Variants in MAST4 observed in about 807,000 individuals in gnomAD.
MAST4 encodes the protein microtubule associated serine/threonine kinase family member 4, also known as microtubule-associated serine/threonine-protein kinase 4.
Under a neutral mutation model 162.7 loss-of-function variants are expected in MAST4, and 89 were observed. The observed-to-expected ratio is 0.55, with a 90% CI of 0.46 to 0.65. The LOEUF (loss-of-function observed/expected upper bound fraction) is 0.65. Among genes scored for constraint, MAST4 ranks in the 30% least tolerant of loss-of-function variants. MAST4 has a pLI of 0.00. For missense variants in MAST4, 3,153 were observed against 3,374.0 expected (o/e 0.93, Z 1.62); for synonymous variants, 1,479 against 1,361.1 (o/e 1.09, Z -1.91).
chr5:66,709,072 AT>A (rs555030813), intron 1 of MAST4, among the ~76,000 whole-genome samples: 21 of 152,098 alleles, frequency 1.4e-4, no homozygotes, highest in Admixed American at 5.2e-4. Context: ...CACCTGAAAT[AT>A]TTTTTTGCAG....
Position 67,163,668 on chromosome 5 carries a change from C to T in MAST4, c.4489C>T (p.Pro1497Ser), listed in dbSNP as rs941403905. Residue 1497 changes from proline to serine, a missense_variant, in exon 29 of 29, where the codon CCG becomes TCG. Coordinates refer to ENST00000403625, the MANE Select transcript of MAST4 (RefSeq NM_001164664.2). The surrounding 1 kb of genome is among the most constrained non-coding windows in gnomAD (Gnocchi z 7.0). Reference sequence around the variant, plus strand: ...CCTGGATGAGAACGTGTGCGACGTGCCGCCGCTCAGCCGCGCCCGGCCAGT... The same window carrying T: ...CCTGGATGAGAACGTGTGCGACGTGTCGCCGCTCAGCCGCGCCCGGCCAGT... ...QSLDENVCDVPPLSRARPVEQ... is the reference protein window; with the variant it reads ...QSLDENVCDVSPLSRARPVEQ... 1.2e-6 allele frequency: 2 copies of T among 1,608,266 alleles called. No homozygotes were observed. Among genetic ancestry groups the T allele is most frequent in the African/African-American group, 2.7e-5 (2 of 74,858 alleles).
chr5:66,885,983 C>T (rs1762012709), intron 3 of MAST4, among the ~76,000 whole-genome samples: 1 of 152,152 alleles, frequency 6.6e-6, no homozygotes, highest in Non-Finnish European at 1.5e-5. Flanking sequence ...GTCCTCACAA[C>T]AACTCTGACT....
intron 12 of MAST4, chr5:67,114,581 C>CT (rs1766655529): frequency 1.0e-5 from 2 of 192,946 alleles, no homozygotes; most frequent in South Asian, 2.4e-4. Flanking sequence ...TAAAATGTTG[C>CT]TAAAGAAATT....
At chr5:66,857,111 A>G in intron 3 of MAST4, among the ~76,000 whole-genome samples, 1 of 152,176 alleles carries the variant, frequency 6.6e-6, no homozygotes, top group East Asian at 1.9e-4. Context: ...AAACACTGTC[A>G]TAGATTTGAT....
intron 14 of MAST4, among the ~76,000 whole-genome samples, chr5:67,122,021 C>T (rs1767654418): frequency 6.6e-6 from 1 of 152,022 alleles, no homozygotes; most frequent in Non-Finnish European, 1.5e-5. Context: ...AATGGTGTTC[C>T]TTCCTTGATC....
At chr5:67,047,645 C>G (rs371050424) in intron 4 of MAST4, among the ~76,000 whole-genome samples, 1 of 152,156 alleles carries the variant, frequency 6.6e-6, no homozygotes, top group African/African-American at 2.4e-5. Flanking sequence ...CCCTTGAGAG[C>G]AGAGATTTTT....
intron 6 of MAST4, among the ~76,000 whole-genome samples, chr5:67,090,569 G>A (rs1439635668): frequency 1.3e-5 from 2 of 148,876 alleles, no homozygotes; most frequent in African/African-American, 2.5e-5. Context: ...ACAAAGCTTT[G>A]TTTTAACACA....
intron 4 of MAST4, among the ~76,000 whole-genome samples, chr5:67,023,550 G>C (rs1478625273): frequency 2.6e-5 from 4 of 152,168 alleles, no homozygotes; most frequent in African/African-American, 9.7e-5. Context: ...AAGTGAGAAA[G>C]TCTTTCTGTG....
At chr5:67,123,469 T>G (rs1379576119) in intron 14 of MAST4, among the ~76,000 whole-genome samples, 3 of 152,216 alleles carry the variant, frequency 2.0e-5, no homozygotes, top group Non-Finnish European at 2.9e-5. Flanking sequence ...CTGTGCTGGT[T>G]TCTTTATATA....
At chr5:66,663,692 A>G (rs1747057402) in intron 1 of MAST4, among the ~76,000 whole-genome samples, 1 of 152,214 alleles carries the variant, frequency 6.6e-6, no homozygotes, top group Admixed American at 6.5e-5. Context: ...GGCAAGGGAC[A>G]TTATCAGAGA....
At chr5:67,090,461 C>T (rs1036461610) in intron 6 of MAST4, among the ~76,000 whole-genome samples, 20 of 115,516 alleles carry the variant, frequency 1.7e-4, no homozygotes, top group Non-Finnish European at 2.8e-4. Flanking sequence ...TCCCCCTCCC[C>T]GCTTCTCCCC....
intron 2 of MAST4, among the ~76,000 whole-genome samples, chr5:66,766,465 T>C (rs1437985889): frequency 3.3e-5 from 5 of 152,168 alleles, no homozygotes; most frequent in African/African-American, 1.2e-4. Context: ...TTTTGGACTA[T>C]AGAAATCAAT....
chr5:66,788,934 C>A, intron 3 of MAST4, 140 bp downstream of exon 3: 1 of 1,184,090 alleles, frequency 8.4e-7, no homozygotes, highest in Non-Finnish European at 1.1e-6. Context: ...GAATTCCTTG[C>A]TTTCAATGTG....
chr5:66,724,085 T>C (rs1751374165), intron 1 of MAST4, among the ~76,000 whole-genome samples: 1 of 152,166 alleles, frequency 6.6e-6, no homozygotes, highest in Non-Finnish European at 1.5e-5. Flanking sequence ...TTAGTGGAAT[T>C]ATTCTCATTT....
intron 1 of MAST4, among the ~76,000 whole-genome samples, chr5:66,741,869 T>G (rs1340925311): frequency 1.1e-4 from 17 of 152,210 alleles, no homozygotes. Context: ...TCTTGTGAAC[T>G]GATTTTTGTT....
At chr5:66,609,488 C>T (rs1743136433) in intron 1 of MAST4, among the ~76,000 whole-genome samples, 1 of 149,062 alleles carries the variant, frequency 6.7e-6, no homozygotes. Flanking sequence ...CTCCCAGGAT[C>T]AAGCCATCCT....
chr5:67,027,786 G>A lies in MAST4; in HGVS notation c.675-26618G>A, dbSNP rs139350516. ...TTACTTCCTGGAAGCTACTCTTTAGGATAGGATCTGTTGTTATAACCACCT... is the reference window on the plus strand; with the variant it reads ...TTACTTCCTGGAAGCTACTCTTTAGAATAGGATCTGTTGTTATAACCACCT... On this transcript the variant is annotated intron_variant, in intron 4 of 28. Transcript: ENST00000403625. Among the ~76,000 whole-genome samples, 494 of 152,244 alleles carry A rather than the reference G, an allele frequency of 3.2e-3. 3 individuals are homozygous for A. Among genetic ancestry groups the A allele is most frequent in the African/African-American group, 0.011 (475 of 41,548 alleles).
intron 4 of MAST4, among the ~76,000 whole-genome samples, chr5:67,007,064 C>G (rs1467827431): frequency 1.3e-5 from 2 of 152,144 alleles, no homozygotes; most frequent in Admixed American, 6.5e-5. Context: ...AAAGGGCTAG[C>G]ATTGCTTTAT....
chr5:66,596,552 C>T lies in MAST4; in HGVS notation c.-104C>T. 8.0e-7 allele frequency: 1 copy of T among 1,245,634 alleles called. No homozygotes were observed. Among genetic ancestry groups the T allele is most frequent in the Non-Finnish European group, 1.0e-6 (1 of 986,368 alleles). The allele number at this position is 1,245,634 out of a possible 1,614,324, so 77.2% of individuals were successfully genotyped here. A position where few individuals can be genotyped will look rare whatever the true frequency, so the allele number is the denominator to read the frequency against. On this transcript the variant is annotated 5_prime_UTR_variant, in exon 1 of 29. Coordinates refer to ENST00000403625, the MANE Select transcript of MAST4 (RefSeq NM_001164664.2). ...GGGGCTCCCTGCAGCCCGGGAGCGGCAGTGCCAGTGAGCCTGAGCCCAGGA... is the reference window on the plus strand; with the variant it reads ...GGGGCTCCCTGCAGCCCGGGAGCGGTAGTGCCAGTGAGCCTGAGCCCAGGA...
Sources: gnomAD v4.1 joint callset for allele counts (sites outside exome capture counted in the v4.1 genomes callset) on GRCh38, gnomAD v4.1.1 for gene constraint, Gnocchi (gnomAD v3.1) non-coding constraint, MANE v1.5 for transcripts, NCBI Gene and HGNC (gene_info 2026-07-23, HGNC 2026-07-21) for gene names.